GNB4: variants seen among roughly 807,000 people sequenced by gnomAD.
The protein encoded by GNB4 is G protein subunit beta 4, also known as guanine nucleotide-binding protein subunit beta-4.
In GNB4, 28 loss-of-function variants were observed where a neutral mutation model predicts 45.2. The ratio of observed to expected loss-of-function variants is 0.62; its 90% CI spans 0.46 to 0.85. The LOEUF is 0.85. GNB4 is among the 40% of genes least tolerant of loss of function. GNB4 has a pLI of 0.00. For missense variants in GNB4, 321 were observed against 425.4 expected, an observed-to-expected ratio of 0.75 and a Z score of 2.16; for synonymous variants, 132 against 143.7, an observed-to-expected ratio of 0.92 and a Z score of 0.58.
chr3:179,416,316 G>C lies in GNB4; in HGVS notation c.267+177C>G, dbSNP rs181879053. On this transcript the variant is annotated intron_variant, in intron 5 of 9. Transcript: ENST00000232564. ...AAAACATAGAGTCATCTTTGGAAATGAAAAAGGGTTAAACATTAAAAGTAA... is the reference window on the plus strand; with the variant it reads ...AAAACATAGAGTCATCTTTGGAAATCAAAAAGGGTTAAACATTAAAAGTAA... Among the ~76,000 whole-genome samples, 300 of 152,070 alleles carry C rather than the reference G, an allele frequency of 2.0e-3. 1 individual carries two copies. Among genetic ancestry groups the C allele is most frequent in the African/African-American group, 6.8e-3 (282 of 41,522 alleles).
At chr3:179,428,598 A>G (rs1715215109) in intron 1 of GNB4, among the ~76,000 whole-genome samples, 1 of 152,112 alleles carries the variant, frequency 6.6e-6, no homozygotes, top group Non-Finnish European at 1.5e-5. Context: ...CATCCCTCCT[A>G]CTAACTAAAA....
At chr3:179,476,521 G>A in the GNB4 span, among the ~76,000 whole-genome samples, 6 of 152,162 alleles carry the variant, frequency 3.9e-5, no homozygotes, top group African/African-American at 9.7e-5. Flanking sequence ...GGATCCACTC[G>A]GAATTGCTCT....
the GNB4 span, among the ~76,000 whole-genome samples, chr3:179,489,022 ATAT>A: frequency 4.1e-5 from 2 of 48,676 alleles, no homozygotes; most frequent in Non-Finnish European, 7.0e-5. Flanking sequence ...AAAAAAAAAT[ATAT>A]ATATATATAT....
At chr3:179,498,347 A>G in the GNB4 span, among the ~76,000 whole-genome samples, 3 of 152,342 alleles carry the variant, frequency 2.0e-5, no homozygotes, top group African/African-American at 4.8e-5. Flanking sequence ...AGACAGCCCA[A>G]CAAAGCTATG....
the GNB4 span, among the ~76,000 whole-genome samples, chr3:179,491,042 TAGAA>T: frequency 3.6e-3 from 546 of 152,306 alleles, 5 homozygotes; most frequent in African/African-American, 0.013. Flanking sequence ...ACACATACGT[TAGAA>T]TTATCTGACA....
rs1051685141 is a variant in GNB4, at chr3:179,414,018, A to G, written c.431-237T>C. 7.2e-5 allele frequency among the ~76,000 whole-genome samples: 11 copies of G among 152,244 alleles called. No individual in the cohort carries two copies. In the East Asian group the frequency reaches 1.9e-3, roughly 27 times the overall value. On this transcript the variant is annotated intron_variant, in intron 6 of 9. Transcript: ENST00000232564. ...AATGACATTGTGCTGGGTACTCTGA[A>G]AGTTACCAAATTGAATAAGACACAG...
At chr3:179,401,888 T>C (rs1714313740) in intron 9 of GNB4, among the ~76,000 whole-genome samples, 1 of 152,236 alleles carries the variant, frequency 6.6e-6, no homozygotes. Context: ...TCATCTAGTT[T>C]TCATTTCTTT....
At position 179,405,170 on chromosome 3, in the gene GNB4, A is replaced by C. The variant is rs777723439; in HGVS notation, c.916+20T>G. ...CACGCTTCCTGAAAATCAGAACCTA[A>C]TGTGGACTTATTTACTAACCTGCAC... On this transcript the variant is annotated intron_variant, in intron 9 of 9. Transcript: ENST00000232564. 1 of 1,586,564 alleles carries C rather than the reference A, an allele frequency of 6.3e-7. No homozygotes were observed. The highest frequency in any genetic ancestry group is 8.6e-7 in the Non-Finnish European group (1 of 1,157,904).
intron 1 of GNB4, among the ~76,000 whole-genome samples, chr3:179,443,002 G>A (rs1421951271): frequency 1.3e-5 from 2 of 151,898 alleles, no homozygotes; most frequent in African/African-American, 2.4e-5. Flanking sequence ...TACCAGACTT[G>A]GTTATATATT....
Position 179,398,712 on chromosome 3 carries a change from TAAAC to T in GNB4, c.*2497_*2500del, listed in dbSNP as rs1396499327. On this transcript the variant is annotated 3_prime_UTR_variant, in exon 10 of 10. Coordinates refer to ENST00000232564, the MANE Select transcript of GNB4 (RefSeq NM_021629.4). ...CAATCAGCTCAACTTAAACTGTAAG[TAAAC>T]AAATATATTTAGCAACTGGAGCCCC... is the stretch of plus-strand genomic sequence containing the variant. The T allele has an allele frequency of 6.6e-6, 1 of 152,142 alleles. No homozygotes were observed. The highest frequency in any genetic ancestry group is 1.5e-5 in the Non-Finnish European group (1 of 68,018). The allele number at this position is 152,142 out of a possible 1,614,324, so 9.4% of individuals were successfully genotyped here.
In GNB4 at chr3:179,426,235, G is replaced by C. The variant is rs1193761143; in HGVS notation, c.-35C>G. The C allele has an allele frequency of 1.3e-6, 2 of 1,483,048 alleles. No homozygotes were observed. The allele number at this position is 1,483,048 out of a possible 1,614,324, so 91.9% of individuals were successfully genotyped here. ...TTGTTTACCTCAGGAGCTAATGAGT[G>C]AAAACAGCTGTTAAAAAACAGAGAG... On this transcript the variant is annotated 5_prime_UTR_variant, in exon 2 of 10. Transcript: ENST00000232564.
At chr3:179,441,312 G>A (rs920769465) in intron 1 of GNB4, among the ~76,000 whole-genome samples, 1 of 152,118 alleles carries the variant, frequency 6.6e-6, no homozygotes, top group African/African-American at 2.4e-5. Context: ...ATACACCTAG[G>A]CTCTATAGCA....
At chr3:179,460,067 C>T in the GNB4 span, among the ~76,000 whole-genome samples, 49,370 of 152,136 alleles carry the variant, frequency 0.32, 8,575 homozygotes, top group African/African-American at 0.46. Context: ...CTTGAGTTCT[C>T]ATCCTTTCTG....
At chr3:179,463,619 A>T in the GNB4 span, among the ~76,000 whole-genome samples, 2 of 152,320 alleles carry the variant, frequency 1.3e-5, no homozygotes, top group South Asian at 4.1e-4. Flanking sequence ...CACGTGTTGG[A>T]TCCTAAAACT....
chr3:179,516,826 G>A, the GNB4 span, among the ~76,000 whole-genome samples: 1 of 152,152 alleles, frequency 6.6e-6, no homozygotes, highest in Non-Finnish European at 1.5e-5. Context: ...AACTGGCTGT[G>A]AGGGACAGAA....
chr3:179,462,130 A>C, the GNB4 span, among the ~76,000 whole-genome samples: 1 of 152,096 alleles, frequency 6.6e-6, no homozygotes, highest in Non-Finnish European at 1.5e-5. Context: ...AATTCTGAGA[A>C]GAGGTGCTGG....
intron 2 of GNB4, among the ~76,000 whole-genome samples, chr3:179,422,841 G>T (rs951477626): frequency 6.6e-6 from 1 of 152,148 alleles, no homozygotes; most frequent in African/African-American, 2.4e-5. Context: ...CGCCCAGGCT[G>T]GAGTGCACTG....
the GNB4 span, among the ~76,000 whole-genome samples, chr3:179,500,068 C>A: frequency 7.2e-5 from 11 of 152,308 alleles, no homozygotes; most frequent in South Asian, 2.3e-3. Context: ...TTTTGCTGTG[C>A]AGAAGCTCTT....
chr3:179,483,605 G>A, the GNB4 span, among the ~76,000 whole-genome samples: 3 of 152,132 alleles, frequency 2.0e-5, no homozygotes, highest in African/African-American at 7.2e-5. Context: ...AGATTTACTT[G>A]ATGAAGCAAT....
Sources: allele counts gnomAD v4.1 joint callset (sites outside exome capture counted in the v4.1 genomes callset), GRCh38; gene constraint gnomAD v4.1.1; transcripts MANE v1.5; gene names NCBI Gene and HGNC (gene_info 2026-07-23, HGNC 2026-07-21).